Variants in HERC1 observed in about 807,000 individuals in gnomAD.
The protein encoded by HERC1 is HECT and RLD domain containing E3 ubiquitin protein ligase family member 1, also known as probable E3 ubiquitin-protein ligase HERC1.
In HERC1, 160 loss-of-function variants were observed where a neutral mutation model predicts 554.3. The observed-to-expected ratio is 0.29, with a 90% CI of 0.25 to 0.33. The LOEUF is 0.33. Ranked by LOEUF, HERC1 falls within the 10% of genes least tolerant of loss-of-function variation. HERC1 has a pLI of 1.00. For missense variants in HERC1, 4,919 were observed against 5,918.5 expected (o/e 0.83, Z 5.54); for synonymous variants, 2,175 against 2,131.7 (o/e 1.02, Z -0.56).
At position 63,674,709 on chromosome 15, in the gene HERC1, G is replaced by A; in HGVS notation, c.7479C>T (p.Ser2493=). 6.2e-7 allele frequency: 1 copy of A among 1,613,630 alleles called. No individual in the cohort carries two copies. ...CTGACTGGGCTACATCATGGTTTTT[G>A]GACATGTGTTCATGATTTTTTCTTT... ...EGKRKNHEHM[S]KNHDVAQSEI... The change falls in exon 38 of 78, where the codon TCC becomes TCT. Residue 2493 remains serine (S), a synonymous_variant. Coordinates refer to ENST00000443617, the MANE Select transcript of HERC1 (RefSeq NM_003922.4).
chr15:63,808,369 C>A (rs1039181204), intron 1 of HERC1, among the ~76,000 whole-genome samples: 1 of 152,158 alleles, frequency 6.6e-6, no homozygotes, highest in Non-Finnish European at 1.5e-5. Flanking sequence ...CTCACTGGAG[C>A]CTTGAACTCC....
At chr15:63,725,836 G>A (rs1163372336) in intron 17 of HERC1, among the ~76,000 whole-genome samples, 1 of 151,886 alleles carries the variant, frequency 6.6e-6, no homozygotes, top group Non-Finnish European at 1.5e-5. Flanking sequence ...CTATCTTTAG[G>A]GAGTATTCTG....
intron 14 of HERC1, 34 bp downstream of exon 14, chr15:63,732,890 A>G: frequency 7.2e-7 from 1 of 1,386,426 alleles, no homozygotes; most frequent in Non-Finnish European, 1.0e-6. Flanking sequence ...CTACCCCTTT[A>G]TTCTTTTTTT....
intron 12 of HERC1, among the ~76,000 whole-genome samples, chr15:63,746,064 A>G (rs2141620961): frequency 6.6e-6 from 1 of 151,224 alleles, no homozygotes; most frequent in East Asian, 1.9e-4. Flanking sequence ...CCTTTTTTCT[A>G]CTTGCTTTGG....
chr15:63,789,379 C>T (rs2076560664), intron 1 of HERC1, among the ~76,000 whole-genome samples: 2 of 151,602 alleles, frequency 1.3e-5, no homozygotes, highest in East Asian at 2.0e-4. Context: ...CGTGAGCCAC[C>T]GCGCCCGGCC....
At chr15:63,782,250 T>C (rs1290578328) in intron 1 of HERC1, among the ~76,000 whole-genome samples, 1 of 152,228 alleles carries the variant, frequency 6.6e-6, no homozygotes, top group Non-Finnish European at 1.5e-5. Context: ...ATTCAATACC[T>C]GCCTTCAAAG....
intron 23 of HERC1, 110 bp from the exon 24 acceptor site, chr15:63,713,005 T>G: frequency 9.5e-7 from 1 of 1,052,518 alleles, no homozygotes. Context: ...GGAGGAGTAA[T>G]GTCAGTTGAC....
intron 12 of HERC1, among the ~76,000 whole-genome samples, chr15:63,744,362 C>T (rs1416296481): frequency 1.3e-5 from 2 of 152,128 alleles, no homozygotes; most frequent in African/African-American, 4.8e-5. Context: ...TGCCTATGTT[C>T]GCTCAAGACT....
At chr15:63,800,752 T>C (rs2076954040) in intron 1 of HERC1, among the ~76,000 whole-genome samples, 1 of 152,204 alleles carries the variant, frequency 6.6e-6, no homozygotes, top group African/African-American at 2.4e-5. Context: ...TAATTTCCTT[T>C]GTGATAGGGG....
At chr15:63,776,368 C>G (rs565403516) in intron 1 of HERC1, among the ~76,000 whole-genome samples, 1 of 152,334 alleles carries the variant, frequency 6.6e-6, no homozygotes, top group African/African-American at 2.4e-5. Flanking sequence ...ATGGTAACTC[C>G]ATCCTTCTAG....
chr15:63,667,984 T>C (rs1271917602), intron 40 of HERC1, among the ~76,000 whole-genome samples: 1 of 152,192 alleles, frequency 6.6e-6, no homozygotes, highest in Admixed American at 6.5e-5. Flanking sequence ...AGTCAAAAGT[T>C]ATATACAGAT....
intron 2 of HERC1, among the ~76,000 whole-genome samples, chr15:63,770,964 A>T (rs2075935261): frequency 6.6e-6 from 1 of 152,136 alleles, no homozygotes. Flanking sequence ...CGAGGCAGGT[A>T]GATCACCTGA....
chr15:63,830,871 T>A (rs964092624), intron 1 of HERC1, among the ~76,000 whole-genome samples: 1 of 152,216 alleles, frequency 6.6e-6, no homozygotes, highest in Non-Finnish European at 1.5e-5. Flanking sequence ...ACTAAAATCA[T>A]GAAAATCGGA....
At chr15:63,794,805 C>T (rs1472623353) in intron 1 of HERC1, among the ~76,000 whole-genome samples, 1 of 152,094 alleles carries the variant, frequency 6.6e-6, no homozygotes, top group African/African-American at 2.4e-5. Flanking sequence ...GTGGCTCACA[C>T]CTAAAATCCC....
At position 63,775,446 on chromosome 15, in the gene HERC1, G is replaced by C; in HGVS notation, c.178C>G (p.Pro60Ala). 6.2e-7 allele frequency: 1 copy of C among 1,613,976 alleles called. No homozygotes were observed. The highest frequency in any genetic ancestry group is 2.2e-5 in the East Asian group (1 of 44,888). ...LPQQVLCLKG[P>A]QLPDFERESL... ...TCACGTTCAAAGTCTGGCAACTGTG[G>C]TCCTTTGAGGCATAAAACTTGTTGG... Residue 60 changes from proline (P) to alanine (A), a missense_variant, in exon 2 of 78, where the codon CCA (proline) becomes GCA (alanine). Coordinates refer to ENST00000443617, the MANE Select transcript of HERC1 (RefSeq NM_003922.4). The surrounding 1 kb of genome is among the most constrained non-coding windows in gnomAD (Gnocchi z 4.0).
In HERC1 at chr15:63,640,133, C is replaced by T; in HGVS notation, c.11901+19G>A. 6.2e-7 allele frequency: 1 copy of T among 1,607,720 alleles called. No individual in the cohort carries two copies. Among genetic ancestry groups the T allele is most frequent in the East Asian group, 2.2e-5 (1 of 44,812 alleles). ...ATAAAATCTCAGCTGCAAATAATAG[C>T]AGCTCACAGTACATTTACCATTAGA... On this transcript the variant is annotated intron_variant, in intron 61 of 77. Coordinates refer to ENST00000443617, the MANE Select transcript of HERC1 (RefSeq NM_003922.4).
intron 3 of HERC1, among the ~76,000 whole-genome samples, chr15:63,759,035 T>C (rs1025970996): frequency 6.6e-6 from 1 of 152,184 alleles, no homozygotes; most frequent in Non-Finnish European, 1.5e-5. Flanking sequence ...CTGGCTCCAC[T>C]TTCCTTTAAT....
At chr15:63,702,725 G>A (rs1440467267) in intron 25 of HERC1, among the ~76,000 whole-genome samples, 2 of 152,180 alleles carry the variant, frequency 1.3e-5, no homozygotes, top group Non-Finnish European at 2.9e-5. Flanking sequence ...CATATAGTAA[G>A]TAGTTTATAA....
At chr15:63,710,880 AATC>A (rs1401970679) in intron 24 of HERC1, among the ~76,000 whole-genome samples, 1 of 152,172 alleles carries the variant, frequency 6.6e-6, no homozygotes, top group Non-Finnish European at 1.5e-5. Flanking sequence ...ACAGAAGGAG[AATC>A]ACTGAGGAGA....
Sources: allele counts gnomAD v4.1 joint callset (sites outside exome capture counted in the v4.1 genomes callset), GRCh38; gene constraint gnomAD v4.1.1; non-coding constraint Gnocchi (gnomAD v3.1); transcripts MANE v1.5; gene names NCBI Gene and HGNC (gene_info 2026-07-23, HGNC 2026-07-21).